ADGRV1: variants seen among roughly 807,000 people sequenced by gnomAD.
ADGRV1 encodes G-protein coupled receptor 98.
Under a neutral mutation model 596.2 loss-of-function variants are expected in ADGRV1, and 359 were observed. The ratio of observed to expected loss-of-function variants is 0.60; its 90% CI spans 0.55 to 0.66. The LOEUF (loss-of-function observed/expected upper bound fraction) is 0.66. Ranked by LOEUF, ADGRV1 falls within the 30% of genes least tolerant of loss-of-function variation. ADGRV1 has a pLI of 0.00. For missense variants in ADGRV1, 7,274 were observed against 7,575.6 expected (o/e 0.96, Z 1.48); for synonymous variants, 2,681 against 2,679.2 (o/e 1.00, Z -0.02).
intron 1 of ADGRV1, among the ~76,000 whole-genome samples, chr5:90,581,262 T>C (rs1016487898): frequency 6.6e-6 from 1 of 152,178 alleles, no homozygotes; most frequent in African/African-American, 2.4e-5. Context: ...TCTGTCACCT[T>C]GTCAAAGTCA....
chr5:90,818,708 G>A (rs1763165896), intron 75 of ADGRV1, among the ~76,000 whole-genome samples: 1 of 149,990 alleles, frequency 6.7e-6, no homozygotes, highest in African/African-American at 2.4e-5. Flanking sequence ...TTTATATGCT[G>A]GATTACATTT....
In ADGRV1 at chr5:90,808,985, C is replaced by T. The variant is rs532060674; in HGVS notation, c.14972+1248C>T. On this transcript the variant is annotated intron_variant, in intron 73 of 89. Transcript: ENST00000405460. ...TTTTTGAGATGGAGACTCGCTCTTT[C>T]GCCCAGGCCGGACTGTAGTGGTGCT... Among the ~76,000 whole-genome samples, 7 of 144,958 alleles carry T rather than the reference C, an allele frequency of 4.8e-5. No homozygotes were observed. In the South Asian group the frequency reaches 1.1e-3, roughly 23 times the overall value.
intron 83 of ADGRV1, among the ~76,000 whole-genome samples, chr5:90,909,365 C>T (rs6878024): frequency 0.98 from 149,634 of 152,234 alleles, 73,595 homozygotes; most frequent in East Asian, 1. Context: ...TTGATTTCTC[C>T]TCTACCTTTC....
intron 62 of ADGRV1, 50 bp from the exon 63 acceptor site, chr5:90,778,377 T>C (rs775592352): frequency 1.3e-6 from 2 of 1,507,136 alleles, no homozygotes; most frequent in South Asian, 2.4e-5. Flanking sequence ...TAGGAGTTTT[T>C]CTTGAAATTC....
intron 85 of ADGRV1, among the ~76,000 whole-genome samples, chr5:91,020,759 A>G (rs986484584): frequency 2.0e-5 from 3 of 152,056 alleles, no homozygotes; most frequent in African/African-American, 7.2e-5. Flanking sequence ...CTAGGAAGAC[A>G]CTGGAAGAGG....
Position 90,905,941 on chromosome 5 carries a change from G to C in ADGRV1, c.17856+42084G>C, listed in dbSNP as rs561173282. On this transcript the variant is annotated intron_variant, in intron 83 of 89. Transcript: ENST00000405460. Reference sequence around the variant, plus strand: ...TTTTTTGAGAGTTTTTATTATGAAGGAATGTTGATTTTTATCAAGTGATTT... The same window carrying C: ...TTTTTTGAGAGTTTTTATTATGAAGCAATGTTGATTTTTATCAAGTGATTT... Among the ~76,000 whole-genome samples, 4 of 152,044 alleles carry C rather than the reference G, an allele frequency of 2.6e-5. No individual in the cohort carries two copies. The East Asian group carries it at 7.7e-4, about 29-fold the overall frequency.
intron 59 of ADGRV1, among the ~76,000 whole-genome samples, chr5:90,764,135 C>G (rs1756824384): frequency 2.0e-5 from 3 of 152,142 alleles, no homozygotes; most frequent in African/African-American, 4.8e-5. Context: ...ATGAAGTTTG[C>G]TTCCCTCTCG....
chr5:91,133,487 T>A lies in ADGRV1; in HGVS notation c.18433-16543T>A, dbSNP rs1405705195. Among the ~76,000 whole-genome samples, 3 of 152,198 alleles carry A rather than the reference T, an allele frequency of 2.0e-5. No individual in the cohort carries two copies. In the East Asian group the frequency reaches 5.8e-4, roughly 29 times the overall value. On this transcript the variant is annotated intron_variant, in intron 87 of 89. Coordinates refer to ENST00000405460, the MANE Select transcript of ADGRV1 (RefSeq NM_032119.4). ...CTGAAATAGAAGGGAACTACAAATATCCTTGTGCTTCCAGCCACCTCACAT... is the reference window on the plus strand; with the variant it reads ...CTGAAATAGAAGGGAACTACAAATAACCTTGTGCTTCCAGCCACCTCACAT...
At position 90,720,954 on chromosome 5, in the gene ADGRV1, G is replaced by A. The variant is rs199499672; in HGVS notation, c.9643G>A (p.Glu3215Lys). 3.1e-4 allele frequency: 493 copies of A among 1,610,604 alleles called. No individual in the cohort carries two copies. Among genetic ancestry groups the A allele is most frequent in the Middle Eastern group, 8.3e-4 (5 of 6,046 alleles). The change falls in exon 45 of 90, where the codon GAA becomes AAA. Residue 3215 changes from glutamate (E) to lysine (K), a missense_variant. By Grantham distance (56) the Glu-to-Lys change is moderately conservative. This residue lies in a region of ADGRV1 where 3,643 missense variants were observed against 3,809.2 expected (regional missense o/e 0.96). Coordinates refer to ENST00000405460, the MANE Select transcript of ADGRV1 (RefSeq NM_032119.4). The stretch of plus-strand genomic sequence containing the variant: ...TTTCAGAGCCACCTCCATAGACATC[G>A]AAGAAGCCAATAGGACCGTGTATTT... ...VENRATSIDI[E>K]EANRTVYLNV...
chr5:90,617,809 T>C lies in ADGRV1; in HGVS notation c.213T>C (p.Tyr71=). The change falls in exon 3 of 90, where the codon TAT becomes TAC. Residue 71 remains tyrosine, a synonymous_variant. Transcript: ENST00000405460. Reference sequence around the variant, plus strand: ...CTATATTTTGCATTTGATAGCTGTATGGAGAGGACGCTGGTGACTTTTTTG... The same window carrying C: ...CTATATTTTGCATTTGATAGCTGTACGGAGAGGACGCTGGTGACTTTTTTG... The part of the protein sequence containing the change: ...PANVTAIVSL[Y]GEDAGDFFDT... 1 of 1,593,904 alleles carries C rather than the reference T, an allele frequency of 6.3e-7. No homozygotes were observed. The highest frequency in any genetic ancestry group is 8.6e-7 in the Non-Finnish European group (1 of 1,169,066).
chr5:90,926,359 G>T (rs989667289), intron 83 of ADGRV1, among the ~76,000 whole-genome samples: 2 of 150,726 alleles, frequency 1.3e-5, no homozygotes, highest in Admixed American at 6.6e-5. Flanking sequence ...GTTTAGTCTT[G>T]GGAGAGTGTA....
In ADGRV1 at chr5:90,705,569, T is replaced by C; in HGVS notation, c.8556T>C (p.Phe2852=). 5 of 1,613,322 alleles carry C rather than the reference T, an allele frequency of 3.1e-6. No homozygotes were observed. The highest frequency in any genetic ancestry group is 4.2e-6 in the Non-Finnish European group (5 of 1,179,452). Residue 2852 remains phenylalanine (F), a synonymous_variant, in exon 37 of 90, where the codon TTT becomes TTC. Coordinates refer to ENST00000405460, the MANE Select transcript of ADGRV1 (RefSeq NM_032119.4). ...TTCAGCTTTTCATCAACAGAGAATT[T>C]GGATCTCTAGGTTTGTGTTACTCTA... ...ITIQLFINRE[F]GSLGAINVTY...
At chr5:90,844,821 T>C (rs1303597480) in intron 78 of ADGRV1, among the ~76,000 whole-genome samples, 1 of 152,190 alleles carries the variant, frequency 6.6e-6, no homozygotes, top group African/African-American at 2.4e-5. Context: ...GTTTTTTCCA[T>C]GGTTGATTCA....
intron 67 of ADGRV1, 53 bp from the exon 68 acceptor site, chr5:90,788,018 T>G: frequency 7.3e-7 from 1 of 1,368,186 alleles, no homozygotes. Flanking sequence ...AATAGTTTTT[T>G]GCTTAAAATT....
intron 81 of ADGRV1, among the ~76,000 whole-genome samples, chr5:90,855,355 G>C (rs751350182): frequency 6.6e-5 from 10 of 152,124 alleles, no homozygotes; most frequent in African/African-American, 9.7e-5. Flanking sequence ...AAAAAACAAA[G>C]AAGAGTAAAC....
rs376134864 is a variant in ADGRV1, at chr5:90,876,983, T to C, written c.17856+13126T>C. Among the ~76,000 whole-genome samples, 8 of 152,240 alleles carry C rather than the reference T, an allele frequency of 5.3e-5. No homozygotes were observed. The South Asian group carries it at 1.2e-3, about 24-fold the overall frequency. On this transcript the variant is annotated intron_variant, in intron 83 of 89. Transcript: ENST00000405460. ...ACCAGGAGGGTAATAAAGAAGTAAATAGATGAATACAGTAGAATGGTGTAA... is the reference window on the plus strand; with the variant it reads ...ACCAGGAGGGTAATAAAGAAGTAAACAGATGAATACAGTAGAATGGTGTAA...
intron 87 of ADGRV1, among the ~76,000 whole-genome samples, chr5:91,124,529 T>C (rs1163151537): frequency 6.6e-6 from 1 of 152,152 alleles, no homozygotes; most frequent in Non-Finnish European, 1.5e-5. Context: ...TGAGCAAAAA[T>C]AGAACAAAAA....
intron 83 of ADGRV1, among the ~76,000 whole-genome samples, chr5:90,872,846 T>C (rs986782892): frequency 9.2e-5 from 14 of 152,318 alleles, no homozygotes; most frequent in Non-Finnish European, 1.9e-4. Context: ...TAGCATGGTC[T>C]TCTTGCAGAC....
chr5:91,029,818 TAC>T (rs1229967634), intron 85 of ADGRV1, among the ~76,000 whole-genome samples: 1 of 152,146 alleles, frequency 6.6e-6, no homozygotes, highest in Non-Finnish European at 1.5e-5. Flanking sequence ...TCAAGTTTGA[TAC>T]AGTCATATTA....
Sources: allele counts gnomAD v4.1 joint callset (sites outside exome capture counted in the v4.1 genomes callset), GRCh38; gene constraint gnomAD v4.1.1; regional missense constraint gnomAD v4.1.1; transcripts MANE v1.5; gene names NCBI Gene and HGNC (gene_info 2026-07-23, HGNC 2026-07-21).